The following CDK12 variants were observed in gnomAD, a reference collection of about 807,000 sequenced individuals.
CDK12 encodes the protein cyclin-dependent kinase 12.
CDK12 carries 17 observed loss-of-function variants against 133.8 expected under a neutral mutation model. The observed-to-expected ratio is 0.13, with a 90% CI of 0.09 to 0.19. The LOEUF (loss-of-function observed/expected upper bound fraction) is 0.19, where lower values mean the gene tolerates loss of function less well. CDK12 is among the 10% of genes least tolerant of loss of function. The pLI is 1.00. For missense variants in CDK12, 1,508 were observed against 1,818.7 expected (o/e 0.83, Z 3.11); for synonymous variants, 694 against 683.6 (o/e 1.02, Z -0.24).
intron 2 of CDK12, among the ~76,000 whole-genome samples, chr17:39,479,398 T>C (rs1175569071): frequency 6.6e-6 from 1 of 151,776 alleles, no homozygotes; most frequent in African/African-American, 2.4e-5. Context: ...TGCAGCAGCA[T>C]AATGTTGAGA....
In CDK12 at chr17:39,463,026, T is replaced by C. The variant is rs2049058086; in HGVS notation, c.955T>C (p.Tyr319His). The C allele has an allele frequency of 6.2e-7, 1 of 1,614,170 alleles. No homozygotes were observed. The highest frequency in any genetic ancestry group is 1.3e-5 in the African/African-American group (1 of 75,044). The change falls in exon 1 of 14, where the codon TAC becomes CAC. Residue 319 changes from tyrosine to histidine, a missense_variant. This residue lies in a region of CDK12 where 460 missense variants were observed against 490.8 expected (regional missense o/e 0.94). Transcript: ENST00000447079. ...GTCCAGCTACGAAAGAAGTGGCTCT[T>C]ACAGCGGGCGATCGCCCAGTCCCTA... ...RSSSYERSGSYSGRSPSPYGR... is the reference protein window; with the variant it reads ...RSSSYERSGSHSGRSPSPYGR...
chr17:39,497,866 A>C (rs1239104930), intron 5 of CDK12, among the ~76,000 whole-genome samples: 1 of 152,014 alleles, frequency 6.6e-6, no homozygotes, highest in Non-Finnish European at 1.5e-5. Flanking sequence ...TGGCCTCCTA[A>C]AGTGCTGGGA....
At chr17:39,468,806 AATTTATTT>A (rs758803620) in intron 1 of CDK12, among the ~76,000 whole-genome samples, 2 of 150,242 alleles carry the variant, frequency 1.3e-5, no homozygotes, top group Non-Finnish European at 3.0e-5. Context: ...TTAATTAATT[AATTTATTT>A]ATTTATTTAT....
intron 2 of CDK12, among the ~76,000 whole-genome samples, chr17:39,478,386 G>T (rs1017273189): frequency 1.3e-5 from 2 of 151,872 alleles, no homozygotes; most frequent in Admixed American, 1.3e-4. Flanking sequence ...TAGAGACAGG[G>T]TTTCATCATG....
downstream of CDK12, chr17:39,566,897 G>A (rs139292961): frequency 6.6e-6 from 1 of 152,424 alleles, no homozygotes; most frequent in African/African-American, 2.4e-5. Flanking sequence ...GGAATGGTAA[G>A]GCTCCATGTG....
At chr17:39,547,842 C>T (rs1293815879), upstream of CDK12, 2 of 152,334 alleles carry the variant, frequency 1.3e-5, no homozygotes, top group Non-Finnish European at 2.9e-5. Flanking sequence ...TAAGTGCCAC[C>T]TCTGGGTAAG....
chr17:39,520,644 C>T (rs1472589120), intron 11 of CDK12, among the ~76,000 whole-genome samples: 1 of 152,002 alleles, frequency 6.6e-6, no homozygotes, highest in African/African-American at 2.4e-5. Flanking sequence ...ACCCTGGCCT[C>T]CGAAAGTGCT....
At chr17:39,502,191 C>T (rs573294999) in intron 6 of CDK12, among the ~76,000 whole-genome samples, 2 of 128,114 alleles carry the variant, frequency 1.6e-5, no homozygotes, top group South Asian at 2.5e-4. Flanking sequence ...CTTGCTCTGT[C>T]GCCCAGGCTG....
At chr17:39,468,241 C>T (rs2049500855) in intron 1 of CDK12, among the ~76,000 whole-genome samples, 1 of 152,098 alleles carries the variant, frequency 6.6e-6, no homozygotes, top group Non-Finnish European at 1.5e-5. Context: ...AGCAAACTTG[C>T]AAGAAGCAGT....
upstream of CDK12, among the ~76,000 whole-genome samples, chr17:39,548,569 G>A (rs1013665363): frequency 6.6e-6 from 1 of 152,212 alleles, no homozygotes; most frequent in African/African-American, 2.4e-5. Context: ...GGGAGAGTTA[G>A]TCTCCCCGTC....
chr17:39,494,407 G>A (rs548664065), intron 4 of CDK12, 117 bp from the exon 5 acceptor site: 27 of 790,474 alleles, frequency 3.4e-5, no homozygotes, highest in African/African-American at 6.9e-5. Context: ...TAAGTATCTC[G>A]TGTAAGCATT....
At chr17:39,520,550 C>G (rs949333553) in intron 11 of CDK12, among the ~76,000 whole-genome samples, 1 of 151,918 alleles carries the variant, frequency 6.6e-6, no homozygotes, top group African/African-American at 2.4e-5. Flanking sequence ...ACCACCACAC[C>G]CAGCTAATTT....
At position 39,525,879 on chromosome 17, in the gene CDK12, C is replaced by T; in HGVS notation, c.3323C>T (p.Thr1108Ile). 6.2e-7 allele frequency: 1 copy of T among 1,613,770 alleles called. No individual in the cohort carries two copies. The highest frequency in any genetic ancestry group is 1.1e-5 in the South Asian group (1 of 91,054). The change falls in exon 13 of 14, where the codon ACA becomes ATA. Residue 1108 changes from threonine to isoleucine, a missense_variant. Physicochemically the swap from Thr to Ile is moderately conservative, Grantham distance 89 (BLOSUM62 -1). Around this residue, in one of 9 missense-constraint regions of CDK12, gnomAD observed 399 missense variants for 469.6 expected, o/e 0.85. Coordinates refer to ENST00000447079, the MANE Select transcript of CDK12 (RefSeq NM_016507.4). ...CTTTCAACAGGCCTTGCTGACATCA[C>T]ACAACAGCTGAATCAAAGTGAATTG... Reference protein sequence around the residue: ...AGDAIGLADITQQLNQSELAV... With the variant: ...AGDAIGLADIIQQLNQSELAV...
chr17:39,508,422 A>G (rs2053270871), intron 6 of CDK12, among the ~76,000 whole-genome samples: 1 of 152,192 alleles, frequency 6.6e-6, no homozygotes, highest in South Asian at 2.1e-4. Flanking sequence ...AAAGTAGTCA[A>G]TAAGTAGTTG....
rs112551500 is a variant in CDK12, at chr17:39,481,972, G to A, written c.1932-8585G>A. On this transcript the variant is annotated intron_variant, in intron 2 of 13. Coordinates refer to ENST00000447079, the MANE Select transcript of CDK12 (RefSeq NM_016507.4). Reference sequence around the variant, plus strand: ...CCTGACCTTGTGATCTGCCCGCCTCGGCCTCCCAAAGTGCTGGGATTACAG... The same window carrying A: ...CCTGACCTTGTGATCTGCCCGCCTCAGCCTCCCAAAGTGCTGGGATTACAG... Among the ~76,000 whole-genome samples the A allele has an allele frequency of 2.6e-4, 39 of 148,096 alleles. 1 individual carries two copies. The highest frequency in any genetic ancestry group is 3.8e-3 in the Middle Eastern group (1 of 262).
intron 8 of CDK12, among the ~76,000 whole-genome samples, chr17:39,512,806 T>C (rs2146403454): frequency 6.6e-6 from 1 of 152,346 alleles, no homozygotes; most frequent in East Asian, 1.9e-4. Flanking sequence ...TATATAACGG[T>C]TTTCAAAATA....
chr17:39,509,434 G>GT (rs1027099639), intron 6 of CDK12, among the ~76,000 whole-genome samples: 38 of 151,464 alleles, frequency 2.5e-4, no homozygotes, highest in African/African-American at 6.1e-4. Context: ...TGTAATAATA[G>GT]TTTTTTTTTG....
At chr17:39,474,781 CT>C (rs893347738) in intron 2 of CDK12, among the ~76,000 whole-genome samples, 4,862 of 94,114 alleles carry the variant, frequency 0.052, 134 homozygotes, top group African/African-American at 0.15. Context: ...ATGATGTTTC[CT>C]TTTTTTTTTT....
intron 3 of CDK12, among the ~76,000 whole-genome samples, chr17:39,564,486 C>G (rs1277223583): frequency 6.6e-6 from 1 of 152,176 alleles, no homozygotes; most frequent in Non-Finnish European, 1.5e-5. Flanking sequence ...AAGGGCTGGT[C>G]TTGGAGGACA....
Sources: allele counts gnomAD v4.1 joint callset (sites outside exome capture counted in the v4.1 genomes callset), GRCh38; gene constraint gnomAD v4.1.1; regional missense constraint gnomAD v4.1.1; transcripts MANE v1.5; gene names NCBI Gene and HGNC (gene_info 2026-07-23, HGNC 2026-07-21).